Variants in RAB38 observed in about 807,000 individuals in gnomAD.
RAB38 encodes RAB38, member RAS oncogene family.
A neutral mutation model predicts 18.4 loss-of-function variants in RAB38; 15 were observed. That is an observed-to-expected ratio of 0.82 (90% CI 0.55 to 1.26). The LOEUF (loss-of-function observed/expected upper bound fraction) is 1.26, where lower values mean the gene tolerates loss of function less well. RAB38 is among the 50% of genes most tolerant of loss of function. RAB38 has a pLI of 0.00. For synonymous variants in RAB38, 101 were observed against 104.4 expected, an observed-to-expected ratio of 0.97 and a Z score of 0.20; for missense variants, 294 against 267.4, an observed-to-expected ratio of 1.10 and a Z score of -0.69.
chr11:87,811,854 T>C, the RAB38 span, among the ~76,000 whole-genome samples: 3 of 152,198 alleles, frequency 2.0e-5, no homozygotes, highest in East Asian at 5.8e-4. Flanking sequence ...TGGTGATCTT[T>C]TATGGTTGAA....
At chr11:88,156,698 T>A (rs1344677551) in intron 1 of RAB38, among the ~76,000 whole-genome samples, 9 of 142,746 alleles carry the variant, frequency 6.3e-5, no homozygotes, top group Non-Finnish European at 1.4e-4. Flanking sequence ...CAAGACTTTG[T>A]CTCAAGAAAA....
the RAB38 span, among the ~76,000 whole-genome samples, chr11:88,077,106 C>T: frequency 1.3e-5 from 2 of 150,426 alleles, no homozygotes; most frequent in Non-Finnish European, 3.0e-5. Context: ...AAGATCTATA[C>T]AAAGAAAACT....
At chr11:88,113,193 G>T (rs1942496743), downstream of RAB38, 2 of 137,788 alleles carry the variant, frequency 1.5e-5, no homozygotes, top group African/African-American at 5.9e-5. Flanking sequence ...TGTTTACTTT[G>T]TCCGAAAAAA....
the RAB38 span, among the ~76,000 whole-genome samples, chr11:88,089,645 T>C: frequency 2.6e-5 from 4 of 151,902 alleles, no homozygotes; most frequent in African/African-American, 9.7e-5. Context: ...TTGACAATAC[T>C]TGCAAGTCAT....
chr11:88,107,241 C>CT, the RAB38 span, among the ~76,000 whole-genome samples: 3 of 151,978 alleles, frequency 2.0e-5, no homozygotes, highest in Admixed American at 6.6e-5. Flanking sequence ...GAACATTTTT[C>CT]TCATCCCCCA....
chr11:88,114,710 T>C (rs34977340), intron 2 of RAB38, among the ~76,000 whole-genome samples: 1 of 152,344 alleles, frequency 6.6e-6, no homozygotes, highest in African/African-American at 2.4e-5. Context: ...CACTTTCATA[T>C]AGGAGCAATA....
At chr11:87,918,022 T>C in the RAB38 span, 3 of 152,044 alleles carry the variant, frequency 2.0e-5, no homozygotes, top group African/African-American at 7.2e-5. Flanking sequence ...AACTGAAGTT[T>C]TGTGTCCTCT....
At chr11:88,146,741 C>T (rs1028040662) in intron 2 of RAB38, among the ~76,000 whole-genome samples, 1 of 152,172 alleles carries the variant, frequency 6.6e-6, no homozygotes, top group South Asian at 2.1e-4. Context: ...AAGCCGTTTT[C>T]GTTAAGACAT....
intron 2 of RAB38, among the ~76,000 whole-genome samples, chr11:88,140,641 G>A (rs376055961): frequency 3.9e-5 from 6 of 152,158 alleles, no homozygotes; most frequent in African/African-American, 1.2e-4. Context: ...TGAGAGACAG[G>A]TGCATAAAGC....
At chr11:88,087,778 C>T in the RAB38 span, among the ~76,000 whole-genome samples, 7 of 151,936 alleles carry the variant, frequency 4.6e-5, no homozygotes, top group Admixed American at 4.6e-4. Context: ...CGTCTTATGT[C>T]AGTGAACAAT....
chr11:88,112,105 C>T (rs1188889661), downstream of RAB38, among the ~76,000 whole-genome samples: 1 of 152,176 alleles, frequency 6.6e-6, no homozygotes, highest in Non-Finnish European at 1.5e-5. Context: ...TATCTATTAT[C>T]CGGCCTTATC....
the RAB38 span, among the ~76,000 whole-genome samples, chr11:88,066,416 A>G: frequency 2.0e-5 from 3 of 152,350 alleles, no homozygotes; most frequent in African/African-American, 4.8e-5. Context: ...TCCAAAATAC[A>G]CAACTCTATC....
At chr11:87,963,731 C>A in the RAB38 span, among the ~76,000 whole-genome samples, 17 of 151,058 alleles carry the variant, frequency 1.1e-4, no homozygotes, top group African/African-American at 4.1e-4. Flanking sequence ...CCTGCAACTT[C>A]TGCCTCCCGG....
the RAB38 span, among the ~76,000 whole-genome samples, chr11:88,026,165 AT>A: frequency 6.6e-6 from 1 of 151,972 alleles, no homozygotes; most frequent in African/African-American, 2.4e-5. Context: ...GGGTTTCACC[AT>A]GTTGGTCAGA....
chr11:88,025,750 T>A, the RAB38 span, among the ~76,000 whole-genome samples: 56 of 152,322 alleles, frequency 3.7e-4, 1 homozygote, highest in South Asian at 6.6e-3. Flanking sequence ...TTATTTAAAT[T>A]CCTTATAGAG....
At chr11:88,049,486 C>T in the RAB38 span, among the ~76,000 whole-genome samples, 6 of 150,798 alleles carry the variant, frequency 4.0e-5, no homozygotes, top group Non-Finnish European at 5.9e-5. Context: ...TTTTCCTTTA[C>T]CTACCCAAAT....
the RAB38 span, among the ~76,000 whole-genome samples, chr11:88,007,991 A>G: frequency 6.6e-6 from 1 of 152,154 alleles, no homozygotes; most frequent in Non-Finnish European, 1.5e-5. Flanking sequence ...AGAGATCATA[A>G]CGTATGTTTC....
At chr11:87,958,216 G>A in the RAB38 span, among the ~76,000 whole-genome samples, 657 of 152,288 alleles carry the variant, frequency 4.3e-3, 6 homozygotes, top group African/African-American at 0.015. Context: ...GATTTTGCCC[G>A]GCTGTAGGCC....
At chr11:88,006,562 A>G in the RAB38 span, among the ~76,000 whole-genome samples, 3 of 147,700 alleles carry the variant, frequency 2.0e-5, no homozygotes, top group Middle Eastern at 3.5e-3. Context: ...TAAAGAATAC[A>G]TTATATATAT....
Sources: allele counts gnomAD v4.1 joint callset (sites outside exome capture counted in the v4.1 genomes callset), GRCh38; gene constraint gnomAD v4.1.1; transcripts MANE v1.5; gene names NCBI Gene and HGNC (gene_info 2026-07-23, HGNC 2026-07-21).